STK24: variants seen among roughly 807,000 people sequenced by gnomAD.
The protein encoded by STK24 is serine/threonine-protein kinase 24.
Under a neutral mutation model 55.6 loss-of-function variants are expected in STK24, and 21 were observed. The observed-to-expected ratio is 0.38, with a 90% CI of 0.27 to 0.54. The LOEUF is 0.54. Among genes scored for constraint, STK24 ranks in the 20% least tolerant of loss-of-function variants. STK24 has a pLI of 0.79. For synonymous variants in STK24, 200 were observed against 215.2 expected (o/e 0.93, Z 0.62); for missense variants, 383 against 538.4 (o/e 0.71, Z 2.86).
At position 98,466,609 on chromosome 13, in the gene STK24, C is replaced by G. The variant is rs7331796; in HGVS notation, c.598-48G>C. 3.3e-3 allele frequency: 5,286 copies of G among 1,591,196 alleles called. 155 individuals carry two copies. The African/African-American group carries it at 0.06, about 18-fold the overall frequency. ...ACAAACACCAAGCAGGAATCTATTC[C>G]AATACACAGTATTTAGGGGGAAAAT... On this transcript the variant is annotated intron_variant, in intron 5 of 10. Transcript: ENST00000539966.
At chr13:98,541,455 G>A (rs1164979672) in intron 1 of STK24, among the ~76,000 whole-genome samples, 4 of 152,158 alleles carry the variant, frequency 2.6e-5, no homozygotes, top group Admixed American at 6.5e-5. Flanking sequence ...TTTTCCTAAT[G>A]GCAGTATTAT....
At chr13:98,505,584 C>T (rs1202478513) in intron 2 of STK24, among the ~76,000 whole-genome samples, 1 of 152,220 alleles carries the variant, frequency 6.6e-6, no homozygotes. Flanking sequence ...GAAAGCCAAT[C>T]TCATACCAAG....
chr13:98,463,547 G>T, intron 7 of STK24, 144 bp downstream of exon 7: 1 of 979,578 alleles, frequency 1.0e-6, no homozygotes, highest in Non-Finnish European at 1.5e-6. Context: ...GGCCCAGGCT[G>T]TGTCTAACAC....
intron 3 of STK24, among the ~76,000 whole-genome samples, chr13:98,475,836 T>C (rs1287280492): frequency 6.6e-6 from 1 of 152,086 alleles, no homozygotes; most frequent in African/African-American, 2.4e-5. Context: ...TCCTAACATA[T>C]GTGGTTCCCT....
intron 1 of STK24, among the ~76,000 whole-genome samples, chr13:98,520,829 C>T (rs1262833359): frequency 6.6e-6 from 1 of 152,226 alleles, no homozygotes. Context: ...ACGCACATAT[C>T]GCCACAATGA....
chr13:98,518,542 G>A (rs1896149663), intron 2 of STK24, among the ~76,000 whole-genome samples: 1 of 152,156 alleles, frequency 6.6e-6, no homozygotes, highest in African/African-American at 2.4e-5. Flanking sequence ...AGTGAAACAG[G>A]TATATTTTGA....
chr13:98,575,410 CACACACACACACACACACATAT>C (rs1342643182), intron 1 of STK24, among the ~76,000 whole-genome samples: 2 of 149,664 alleles, frequency 1.3e-5, no homozygotes, highest in African/African-American at 5.0e-5. Context: ...TATATATACA[CACACACACACACACACACATAT>C]ACACACACAC....
chr13:98,481,185 C>T (rs1486641919), intron 3 of STK24, among the ~76,000 whole-genome samples: 3 of 152,190 alleles, frequency 2.0e-5, no homozygotes, highest in Admixed American at 6.5e-5. Context: ...AACAGCTGCA[C>T]GAATTCGTTT....
chr13:98,479,916 G>A (rs1338648164), intron 3 of STK24, among the ~76,000 whole-genome samples: 6 of 152,168 alleles, frequency 3.9e-5, no homozygotes, highest in African/African-American at 7.2e-5. Context: ...AGGACACTGC[G>A]GGGTCAAGGG....
At chr13:98,457,940 C>A (rs1893536987) in intron 9 of STK24, among the ~76,000 whole-genome samples, 1 of 152,176 alleles carries the variant, frequency 6.6e-6, no homozygotes, top group Non-Finnish European at 1.5e-5. Flanking sequence ...GTGCTGTTTT[C>A]CTATTTCAAC....
rs370070274 is a variant in STK24 at position 98,475,236 on chromosome 13, G to A, written c.439+14C>T. On this transcript the variant is annotated intron_variant, in intron 4 of 10. Coordinates refer to ENST00000539966, the MANE Select transcript of STK24 (RefSeq NM_001032296.4). ...TTCAGTATTTCAAAGGAATGAAAAC[G>A]GATGTCCTCTTACCTTTAATGTCTC... 54 of 1,587,940 alleles carry A rather than the reference G, an allele frequency of 3.4e-5. No individual in the cohort carries two copies. The highest frequency in any genetic ancestry group is 4.5e-5 in the South Asian group (4 of 88,498).
intron 1 of STK24, among the ~76,000 whole-genome samples, chr13:98,520,800 C>T (rs1896232747): frequency 1.3e-5 from 2 of 152,222 alleles, no homozygotes; most frequent in Non-Finnish European, 2.9e-5. Context: ...AGTGCTACAG[C>T]GTGTCCACCA....
At chr13:98,501,440 C>T (rs996142661) in intron 2 of STK24, among the ~76,000 whole-genome samples, 5 of 152,220 alleles carry the variant, frequency 3.3e-5, no homozygotes, top group African/African-American at 1.2e-4. Context: ...GAGGCTGCAA[C>T]CTACCTATGT....
intron 9 of STK24, among the ~76,000 whole-genome samples, chr13:98,459,487 T>C (rs1893609434): frequency 6.6e-6 from 1 of 152,184 alleles, no homozygotes; most frequent in Admixed American, 6.5e-5. Context: ...TGAAGGCTTA[T>C]TGGAGGGCTG....
chr13:98,541,528 G>T lies in STK24; in HGVS notation c.43-22055C>A, dbSNP rs372728887. On this transcript the variant is annotated intron_variant, in intron 1 of 10. Coordinates refer to ENST00000539966, the MANE Select transcript of STK24 (RefSeq NM_001032296.4). ...TCAGCATCAGAGCCAGAAAGTGGGA[G>T]GGTTCAGGAAAATTATAACCTAATT... Among the ~76,000 whole-genome samples, 51 of 152,300 alleles carry T rather than the reference G, an allele frequency of 3.3e-4. No homozygotes were observed. The East Asian group carries it at 9.6e-3, about 29-fold the overall frequency.
intron 3 of STK24, among the ~76,000 whole-genome samples, chr13:98,479,813 T>G (rs1047553704): frequency 6.6e-6 from 1 of 152,126 alleles, no homozygotes; most frequent in African/African-American, 2.4e-5. Context: ...AAAACACCCC[T>G]TCCCAAGAAA....
At chr13:98,526,948 G>A (rs1229998568) in intron 1 of STK24, among the ~76,000 whole-genome samples, 1 of 152,186 alleles carries the variant, frequency 6.6e-6, no homozygotes, top group Non-Finnish European at 1.5e-5. Context: ...TGCTGATACC[G>A]ACCCCATGTG....
chr13:98,465,656 G>A (rs931983518), intron 6 of STK24, among the ~76,000 whole-genome samples: 5 of 152,230 alleles, frequency 3.3e-5, no homozygotes, highest in African/African-American at 1.2e-4. Flanking sequence ...AAACCATGGT[G>A]CTCTTGTAAA....
intron 1 of STK24, chr13:98,576,002 G>A (rs1375296975): frequency 1.0e-6 from 1 of 984,930 alleles, no homozygotes; most frequent in Non-Finnish European, 1.2e-6. Context: ...TACCGAAAGA[G>A]AGGTTTACTG....
Sources: gnomAD v4.1 joint callset for allele counts (sites outside exome capture counted in the v4.1 genomes callset) on GRCh38, gnomAD v4.1.1 for gene constraint, MANE v1.5 for transcripts, NCBI Gene and HGNC (gene_info 2026-07-23, HGNC 2026-07-21) for gene names.